Variants in GPHN observed in about 807,000 individuals in gnomAD.
The protein encoded by GPHN is gephyrin.
In GPHN, 17 loss-of-function variants were observed where a neutral mutation model predicts 95.5. That is an observed-to-expected ratio of 0.18 (90% CI 0.12 to 0.27). GPHN has a LOEUF of 0.27. GPHN is among the 10% of genes least tolerant of loss of function. GPHN has a pLI of 1.00. For missense variants in GPHN, 660 were observed against 978.1 expected (o/e 0.67, Z 4.34); for synonymous variants, 320 against 322.5 (o/e 0.99, Z 0.08).
chr14:67,507,034 G>A, the GPHN span, among the ~76,000 whole-genome samples: 1 of 152,108 alleles, frequency 6.6e-6, no homozygotes, highest in Non-Finnish European at 1.5e-5. Context: ...AAAGGGAACT[G>A]AAGATAGCCT....
At chr14:67,561,674 C>T in the GPHN span, among the ~76,000 whole-genome samples, 1 of 151,864 alleles carries the variant, frequency 6.6e-6, no homozygotes, top group East Asian at 1.9e-4. Flanking sequence ...TTGGGACCAG[C>T]CTGGGCAACA....
At chr14:66,830,138 G>A (rs1166201611) in intron 4 of GPHN, among the ~76,000 whole-genome samples, 2 of 152,018 alleles carry the variant, frequency 1.3e-5, no homozygotes, top group Non-Finnish European at 2.9e-5. Flanking sequence ...CTGATGCTTT[G>A]CAAAAAAAGT....
intron 11 of GPHN, among the ~76,000 whole-genome samples, chr14:67,070,519 A>G (rs565262280): frequency 6.7e-6 from 1 of 149,086 alleles, no homozygotes; most frequent in South Asian, 2.1e-4. Context: ...AATATGGTGA[A>G]ACCGCGTCTC....
intron 17 of GPHN, among the ~76,000 whole-genome samples, chr14:67,129,517 A>G (rs939572610): frequency 6.6e-6 from 1 of 152,198 alleles, no homozygotes; most frequent in African/African-American, 2.4e-5. Context: ...TTTGAATTTT[A>G]TTTCTCATAC....
At chr14:66,651,244 C>A (rs1296110651) in intron 1 of GPHN, among the ~76,000 whole-genome samples, 1 of 152,164 alleles carries the variant, frequency 6.6e-6, no homozygotes, top group Non-Finnish European at 1.5e-5. Flanking sequence ...ACTTGTGTGA[C>A]CTATTCAACC....
intron 3 of GPHN, among the ~76,000 whole-genome samples, chr14:66,805,099 C>T (rs1299207382): frequency 1.3e-5 from 2 of 152,164 alleles, no homozygotes; most frequent in African/African-American, 4.8e-5. Context: ...GTTGGACTTA[C>T]AGTTCCCCAT....
intron 8 of GPHN, among the ~76,000 whole-genome samples, chr14:66,940,976 T>C (rs1448198320): frequency 6.6e-6 from 1 of 152,218 alleles, no homozygotes; most frequent in South Asian, 2.1e-4. Context: ...GTTAGCTCCC[T>C]TGGTCTTACT....
chr14:67,690,337 T>C, the GPHN span: 2 of 1,614,014 alleles, frequency 1.2e-6, no homozygotes, highest in African/African-American at 2.7e-5. Flanking sequence ...TCCCAGGTGA[T>C]GTGCGAGGGA....
At chr14:66,751,043 C>A (rs2058345044) in intron 2 of GPHN, among the ~76,000 whole-genome samples, 1 of 151,650 alleles carries the variant, frequency 6.6e-6, no homozygotes, top group African/African-American at 2.4e-5. Flanking sequence ...TTAAAAGTAG[C>A]AGAAAAACAA....
chr14:67,212,403 C>T, the GPHN span, among the ~76,000 whole-genome samples: 2 of 151,526 alleles, frequency 1.3e-5, no homozygotes, highest in African/African-American at 4.9e-5. Context: ...GCCTGGGCAA[C>T]ATTGCAAAAC....
chr14:67,332,893 G>C, the GPHN span: 1 of 1,614,040 alleles, frequency 6.2e-7, no homozygotes, highest in East Asian at 2.2e-5. Flanking sequence ...ATCAGGAATT[G>C]CTTAGGTTAA....
intron 1 of GPHN, among the ~76,000 whole-genome samples, chr14:66,596,488 CT>C (rs1484205860): frequency 2.0e-5 from 3 of 152,318 alleles, no homozygotes; most frequent in Middle Eastern, 3.4e-3. Flanking sequence ...TCTTAGCCCC[CT>C]GTCAGCCTTT....
intron 4 of GPHN, among the ~76,000 whole-genome samples, chr14:66,833,516 T>C (rs774805736): frequency 2.6e-5 from 4 of 152,104 alleles, no homozygotes; most frequent in East Asian, 3.9e-4. Context: ...AATTCATGAG[T>C]CTCCTATCAG....
intron 17 of GPHN, among the ~76,000 whole-genome samples, chr14:67,129,799 A>C (rs1374974518): frequency 7.5e-6 from 1 of 132,496 alleles, no homozygotes; most frequent in Non-Finnish European, 1.7e-5. Context: ...AGAGAGAGGG[A>C]GAGGGAGGGA....
chr14:66,923,055 A>G, intron 7 of GPHN, 117 bp downstream of exon 7: 1 of 863,000 alleles, frequency 1.2e-6, no homozygotes, highest in Non-Finnish European at 1.9e-6. Context: ...GAACCCTAAA[A>G]AAATAAGTGG....
At position 66,554,889 on chromosome 14, in the gene GPHN, C is replaced by T. The variant is rs1594944023; in HGVS notation, c.64+46298C>T. On this transcript the variant is annotated intron_variant, in intron 1 of 22. Transcript: ENST00000478722. ...GTGGACTGTTAGGCCAAGAATGTTACATTATGAAGGGCATTTTAAATTAGG... is the reference window on the plus strand; with the variant it reads ...GTGGACTGTTAGGCCAAGAATGTTATATTATGAAGGGCATTTTAAATTAGG... 2.6e-5 allele frequency among the ~76,000 whole-genome samples: 4 copies of T among 152,238 alleles called. No homozygotes were observed. The East Asian group carries it at 5.8e-4, about 22-fold the overall frequency.
intron 8 of GPHN, among the ~76,000 whole-genome samples, chr14:66,951,525 A>T (rs1410286212): frequency 6.6e-6 from 1 of 151,948 alleles, no homozygotes; most frequent in Non-Finnish European, 1.5e-5. Flanking sequence ...AAAAAAAAAA[A>T]AAAAAAGGAA....
chr14:66,975,933 A>T (rs2070183804), intron 9 of GPHN, among the ~76,000 whole-genome samples: 2 of 152,170 alleles, frequency 1.3e-5, no homozygotes, highest in Admixed American at 1.3e-4. Context: ...GTTATTTGTA[A>T]CACCAAGATA....
chr14:67,392,766 C>T, the GPHN span: 1 of 1,614,112 alleles, frequency 6.2e-7, no homozygotes, highest in Middle Eastern at 1.6e-4. Flanking sequence ...AAGTTCTCCT[C>T]CATGAGCATG....
Sources: gnomAD v4.1 joint callset for allele counts (sites outside exome capture counted in the v4.1 genomes callset) on GRCh38, gnomAD v4.1.1 for gene constraint, MANE v1.5 for transcripts, NCBI Gene and HGNC (gene_info 2026-07-23, HGNC 2026-07-21) for gene names.